Variants in SKI observed in about 807,000 individuals in gnomAD.
The protein encoded by SKI is ski oncogene.
A neutral mutation model predicts 59.3 loss-of-function variants in SKI; 23 were observed. The ratio of observed to expected loss-of-function variants is 0.39; its 90% confidence interval spans 0.28 to 0.55. The LOEUF (loss-of-function observed/expected upper bound fraction) is 0.55, where lower values mean the gene tolerates loss of function less well. Ranked by LOEUF, SKI falls within the 20% of genes least tolerant of loss-of-function variation. The pLI is 0.67. For synonymous variants in SKI, 673 were observed against 488.6 expected, an observed-to-expected ratio of 1.38 and a Z score of -4.98; for missense variants, 1,017 against 1,038.9, an observed-to-expected ratio of 0.98 and a Z score of 0.29.
intron 1 of SKI, among the ~76,000 whole-genome samples, chr1:2,283,494 G>C (rs1052339227): frequency 2.0e-5 from 3 of 152,216 alleles, no homozygotes; most frequent in Non-Finnish European, 4.4e-5. Context: ...CAACCATGTG[G>C]GCCGGGGCCA....
At chr1:2,234,148 C>T (rs1459171192) in intron 1 of SKI, among the ~76,000 whole-genome samples, 1 of 152,264 alleles carries the variant, frequency 6.6e-6, no homozygotes, top group Non-Finnish European at 1.5e-5. Flanking sequence ...TCCGGAAAGA[C>T]GGCCGGCTGC....
rs374898081 is a variant in SKI at position 2,298,459 on chromosome 1, G to A, written c.970-4519G>A. On this transcript the variant is annotated intron_variant, in intron 1 of 6. Coordinates refer to ENST00000378536, the MANE Select transcript of SKI (RefSeq NM_003036.4). ...GGATTGGCTGCCCATGCTCAGGATG[G>A]TCTGGGGTGTGGCCGTGGCCTGTCC... Among the ~76,000 whole-genome samples, 332 of 152,330 alleles carry A rather than the reference G, an allele frequency of 2.2e-3. No individual in the cohort carries two copies. In the Middle Eastern group the frequency reaches 0.027, roughly 12 times the overall value.
rs549088961 is a variant in SKI, at chr1:2,297,531, C to T, written c.970-5447C>T. ...TCCACCTGCTGTGGCCCCAGGGTTGCACCACCATGTGGACTGTGGCTGGCA... is the reference window on the plus strand; with the variant it reads ...TCCACCTGCTGTGGCCCCAGGGTTGTACCACCATGTGGACTGTGGCTGGCA... On this transcript the variant is annotated intron_variant, in intron 1 of 6. Transcript: ENST00000378536. 3.3e-5 allele frequency among the ~76,000 whole-genome samples: 5 copies of T among 152,372 alleles called. No individual in the cohort carries two copies. The East Asian group carries it at 5.8e-4, about 18-fold the overall frequency.
chr1:2,300,864 C>G (rs1468091975), intron 1 of SKI, among the ~76,000 whole-genome samples: 1 of 152,164 alleles, frequency 6.6e-6, no homozygotes, highest in East Asian at 1.9e-4. Flanking sequence ...CGGCCACCCC[C>G]CACTGAGCGG....
chr1:2,229,069 C>G lies in SKI; in HGVS notation c.303C>G (p.Cys101Trp). The change falls in exon 1 of 7, where the codon TGC becomes TGG. Residue 101 changes from cysteine to tryptophan, a missense_variant. By Grantham distance (215) the Cys-to-Trp change is radical. Coordinates refer to ENST00000378536, the MANE Select transcript of SKI (RefSeq NM_003036.4). This position sits in a 1 kb window ranked among gnomAD's most constrained non-coding sequence, Gnocchi z 6.3. ...CGTCCGACCGCTCCACCGAGCGCTG[C>G]GAGACCGTACTGGAAGGCGAGACCA... is the stretch of plus-strand genomic sequence containing the variant. Reference protein sequence around the residue: ...FMPSDRSTERCETVLEGETIS... With the variant: ...FMPSDRSTERWETVLEGETIS... 6.2e-7 allele frequency: 1 copy of G among 1,607,464 alleles called. No homozygotes were observed. Among genetic ancestry groups the G allele is most frequent in the Non-Finnish European group, 8.5e-7 (1 of 1,179,806 alleles).
intron 1 of SKI, among the ~76,000 whole-genome samples, chr1:2,231,393 T>C (rs1270253111): frequency 1.3e-5 from 2 of 152,208 alleles, no homozygotes; most frequent in Non-Finnish European, 2.9e-5. Context: ...ATGTGTGTGC[T>C]TGTGGTCTTT....
chr1:2,279,578 G>T (rs1242570840), intron 1 of SKI, among the ~76,000 whole-genome samples: 1 of 152,204 alleles, frequency 6.6e-6, no homozygotes, highest in Non-Finnish European at 1.5e-5. Flanking sequence ...AGCTGCAGGG[G>T]GAGGGGGGAG....
intron 1 of SKI, among the ~76,000 whole-genome samples, chr1:2,286,872 C>T (rs777331505): frequency 6.6e-6 from 1 of 152,256 alleles, no homozygotes; most frequent in Non-Finnish European, 1.5e-5. Flanking sequence ...CGTGTGCCAC[C>T]TCTGCTCATG....
chr1:2,258,090 T>C (rs140392008), intron 1 of SKI, among the ~76,000 whole-genome samples: 1 of 152,174 alleles, frequency 6.6e-6, no homozygotes, highest in South Asian at 2.1e-4. Flanking sequence ...CAAGGAAGAG[T>C]GTGAAGAGGT....
At chr1:2,237,222 T>C (rs1473146978) in intron 1 of SKI, among the ~76,000 whole-genome samples, 1 of 151,790 alleles carries the variant, frequency 6.6e-6, no homozygotes, top group Non-Finnish European at 1.5e-5. Flanking sequence ...CAGGAGTGGG[T>C]GAGGGGTGGT....
At chr1:2,247,069 AAGTT>A (rs1354715496) in intron 1 of SKI, among the ~76,000 whole-genome samples, 1 of 152,134 alleles carries the variant, frequency 6.6e-6, no homozygotes, top group East Asian at 1.9e-4. Flanking sequence ...AAAAATACAA[AAGTT>A]AGCCAGGTGT....
chr1:2,259,697 C>T (rs1486883100), intron 1 of SKI, among the ~76,000 whole-genome samples: 1 of 152,220 alleles, frequency 6.6e-6, no homozygotes, highest in Non-Finnish European at 1.5e-5. Flanking sequence ...AAGCTCTCTC[C>T]TACCCACACC....
intron 1 of SKI, among the ~76,000 whole-genome samples, chr1:2,277,691 C>G (rs1639774036): frequency 6.6e-6 from 1 of 151,422 alleles, no homozygotes; most frequent in Admixed American, 6.6e-5. Context: ...CATCAGGACC[C>G]ATGGGCACAC....
chr1:2,255,968 T>C lies in SKI; in HGVS notation c.969+26233T>C, dbSNP rs186918880. Reference sequence around the variant, plus strand: ...CTCTGTCCTGACCTCATTTCCTGTCTGTGCCACTCTTTGTCCTGACCTCAT... The same window carrying C: ...CTCTGTCCTGACCTCATTTCCTGTCCGTGCCACTCTTTGTCCTGACCTCAT... On this transcript the variant is annotated intron_variant, in intron 1 of 6. Transcript: ENST00000378536. 2.6e-5 allele frequency among the ~76,000 whole-genome samples: 4 copies of C among 151,988 alleles called. No homozygotes were observed. The East Asian group carries it at 7.7e-4, about 29-fold the overall frequency.
chr1:2,231,730 C>G (rs1638642790), intron 1 of SKI, among the ~76,000 whole-genome samples: 1 of 152,234 alleles, frequency 6.6e-6, no homozygotes, highest in Non-Finnish European at 1.5e-5. Flanking sequence ...ACAGCCTGGC[C>G]CTGGCAGTGG....
rs1196841224 is a variant in SKI, at chr1:2,310,195, A to G, written c.*3430A>G. On this transcript the variant is annotated 3_prime_UTR_variant, in exon 7 of 7. Transcript: ENST00000378536. ...ACCCCGAAACAGATGACATTGTACA[A>G]TAAAGGACTTTGAGAGGACCGCGGG... 1.3e-5 allele frequency: 2 copies of G among 152,072 alleles called. No homozygotes were observed. Among genetic ancestry groups the G allele is most frequent in the East Asian group, 1.9e-4 (1 of 5,142 alleles). The allele number at this position is 152,072 out of a possible 1,614,324, so 9.4% of individuals were successfully genotyped here.
intron 1 of SKI, among the ~76,000 whole-genome samples, chr1:2,297,502 C>A (rs991663092): frequency 2.0e-5 from 3 of 152,246 alleles, no homozygotes; most frequent in African/African-American, 7.2e-5. Context: ...GGCGATCCTG[C>A]CGCTCCACCT....
At chr1:2,241,720 C>T (rs1030182075) in intron 1 of SKI, among the ~76,000 whole-genome samples, 1 of 152,182 alleles carries the variant, frequency 6.6e-6, no homozygotes, top group Non-Finnish European at 1.5e-5. Context: ...AAGCAAATCC[C>T]AGGCATCATC....
chr1:2,289,353 G>A (rs1421957309), intron 1 of SKI, among the ~76,000 whole-genome samples: 1 of 152,134 alleles, frequency 6.6e-6, no homozygotes, highest in East Asian at 1.9e-4. Context: ...CCCATTACAG[G>A]CCACCTCTCC....
Sources: allele counts gnomAD v4.1 joint callset (sites outside exome capture counted in the v4.1 genomes callset), GRCh38; gene constraint gnomAD v4.1.1; non-coding constraint Gnocchi (gnomAD v3.1); transcripts MANE v1.5; gene names NCBI Gene and HGNC (gene_info 2026-07-23, HGNC 2026-07-21).